PACS2: variants seen among roughly 807,000 people sequenced by gnomAD.
PACS2 encodes the protein PACS1-like protein.
A neutral mutation model predicts 113.0 loss-of-function variants in PACS2; 36 were observed. The ratio of observed to expected loss-of-function variants is 0.32; its 90% CI spans 0.24 to 0.42. The LOEUF (loss-of-function observed/expected upper bound fraction) is 0.42, where lower values mean the gene tolerates loss of function less well. Ranked by LOEUF, PACS2 falls within the 10% of genes least tolerant of loss-of-function variation. The probability of loss-of-function intolerance (pLI) is 1.00; values close to 1 mark genes in which losing one functional copy is unlikely to be tolerated. For synonymous variants in PACS2, 589 were observed against 536.1 expected (o/e 1.10, Z -1.36); for missense variants, 1,015 against 1,239.5 (o/e 0.82, Z 2.72).
intron 1 of PACS2, among the ~76,000 whole-genome samples, chr14:105,305,230 G>A (rs1350031002): frequency 6.6e-6 from 1 of 151,976 alleles, no homozygotes; most frequent in Non-Finnish European, 1.5e-5. Context: ...GCAAAACCCT[G>A]ACTCTACAAA....
At chr14:105,314,063 G>A (rs2058436264), upstream of PACS2, among the ~76,000 whole-genome samples, 1 of 152,264 alleles carries the variant, frequency 6.6e-6, no homozygotes, top group African/African-American at 2.4e-5. Flanking sequence ...GGGGTCATCT[G>A]GAGCCCTGGA....
chr14:105,385,688 A>G lies in PACS2; in HGVS notation c.2004A>G (p.Lys668=). 1 of 1,521,462 alleles carries G rather than the reference A, an allele frequency of 6.6e-7. No individual in the cohort carries two copies. Among genetic ancestry groups the G allele is most frequent in the Non-Finnish European group, 8.8e-7 (1 of 1,137,692 alleles). 94.2% of individuals were successfully genotyped at this position (1,521,462 alleles called of 1,614,324 possible). Residue 668 remains lysine (K), a synonymous_variant, in exon 19 of 25, where the codon AAA becomes AAG. Coordinates refer to ENST00000447393, the MANE Select transcript of PACS2 (RefSeq NM_001100913.3). ...CTTTTGGTGGCTTTCTGAAAAGGAA[A>G]AAGCATTTTCATTTTGACTTTACCC... The part of the protein sequence containing the change: ...EAMLTYKQKR[K]KHFHFDFTLS...
chr14:105,302,413 G>A (rs926185468), intron 1 of PACS2, among the ~76,000 whole-genome samples: 3 of 151,706 alleles, frequency 2.0e-5, no homozygotes, highest in African/African-American at 7.3e-5. Context: ...ATGTTGGTCA[G>A]GCCAGTCTTG....
At chr14:105,300,865 G>A (rs1257853839) in exon 1 of PACS2, 3 of 171,416 alleles carry the variant, frequency 1.8e-5, no homozygotes, top group Non-Finnish European at 3.7e-5. Context: ...GGGACGCGAG[G>A]ACTGGAGCCG....
At chr14:105,311,663 C>T (rs1595528438), upstream of PACS2, among the ~76,000 whole-genome samples, 8 of 152,290 alleles carry the variant, frequency 5.3e-5, 1 homozygote, top group South Asian at 1.7e-3. Context: ...GGGGTTGATT[C>T]CAGGCCTCAC....
upstream of PACS2, among the ~76,000 whole-genome samples, chr14:105,310,236 T>C (rs893764029): frequency 4.0e-5 from 6 of 151,798 alleles, no homozygotes; most frequent in African/African-American, 1.2e-4. Flanking sequence ...ATATTAAGAA[T>C]GTTACCCTAG....
chr14:105,343,529 C>CT (rs1566921300), intron 1 of PACS2, among the ~76,000 whole-genome samples: 1 of 152,054 alleles, frequency 6.6e-6, no homozygotes, highest in Admixed American at 6.6e-5. Flanking sequence ...TTGGTATTAG[C>CT]TTTTTTTATT....
chr14:105,355,673 G>C lies in PACS2; in HGVS notation c.423+496G>C, dbSNP rs1034453877. ...GCGGGGGCAGCACCCAGAGGTCAGA[G>C]GGGTGGCTGGAGTTCCCTGGAGGGG... On this transcript the variant is annotated intron_variant, in intron 4 of 24. Coordinates refer to ENST00000447393, the MANE Select transcript of PACS2 (RefSeq NM_001100913.3). The surrounding 1 kb of genome is among the most constrained non-coding windows in gnomAD (Gnocchi z 4.1). 6.6e-6 allele frequency among the ~76,000 whole-genome samples: 1 copy of C among 152,216 alleles called. No individual in the cohort carries two copies.
At chr14:105,389,313 G>A (rs782169359) in intron 19 of PACS2, 1 of 153,242 alleles carries the variant, frequency 6.5e-6, no homozygotes, top group African/African-American at 2.4e-5. Context: ...TGCCCGCTGA[G>A]TACATCAGCT....
intron 2 of PACS2, among the ~76,000 whole-genome samples, chr14:105,349,945 A>G (rs113570408): frequency 0.011 from 1,374 of 130,026 alleles, 7 homozygotes; most frequent in African/African-American, 0.043. Context: ...GAGAACTTCC[A>G]GGAGAGCGTG....
rs973247234 is a variant in PACS2, at chr14:105,330,859, C to T, written c.119+15822C>T. Among the ~76,000 whole-genome samples the T allele has an allele frequency of 8.5e-5, 13 of 152,358 alleles. No individual in the cohort carries two copies. Among genetic ancestry groups the T allele is most frequent in the African/African-American group, 3.1e-4 (13 of 41,586 alleles). On this transcript the variant is annotated intron_variant, in intron 1 of 24. Coordinates refer to ENST00000447393, the MANE Select transcript of PACS2 (RefSeq NM_001100913.3). This position sits in a 1 kb window ranked among gnomAD's most constrained non-coding sequence, Gnocchi z 6.9. ...CAATTCCATCTCTGTGCCAGCTGTGCCCCATGCAGCCTCTACCGGCATCTC... is the reference window on the plus strand; with the variant it reads ...CAATTCCATCTCTGTGCCAGCTGTGTCCCATGCAGCCTCTACCGGCATCTC...
intron 3 of PACS2, among the ~76,000 whole-genome samples, chr14:105,352,741 A>G: frequency 8.4e-6 from 1 of 119,628 alleles, no homozygotes; most frequent in East Asian, 2.9e-4. Context: ...CCCTGGGGTG[A>G]CGGGCACCCC....
rs868934935 is a variant in PACS2, at chr14:105,340,492, C to T, written c.120-8001C>T. Among the ~76,000 whole-genome samples, 4 of 152,168 alleles carry T rather than the reference C, an allele frequency of 2.6e-5. No homozygotes were observed. Among genetic ancestry groups the T allele is most frequent in the Admixed American group, 1.3e-4 (2 of 15,284 alleles). On this transcript the variant is annotated intron_variant, in intron 1 of 24. Coordinates refer to ENST00000447393, the MANE Select transcript of PACS2 (RefSeq NM_001100913.3). The surrounding 1 kb of genome is among the most constrained non-coding windows in gnomAD (Gnocchi z 4.2). ...GTTTCCAGTGAAACTGTCCCACCTC[C>T]GATCATCAGCCATCAGATTCTCATA...
At chr14:105,384,137 G>A (rs1555412912) in intron 16 of PACS2, 1 of 546,888 alleles carries the variant, frequency 1.8e-6, no homozygotes. Flanking sequence ...TCAGGGCTCT[G>A]GGACCTCAGC....
chr14:105,323,542 G>A lies in PACS2; in HGVS notation c.119+8505G>A, dbSNP rs2140859070. ...GGCGGACGTTCCTGTAATGGAACCA[G>A]GATGTCATGCCAAGGAGTGTGGTTT... On this transcript the variant is annotated intron_variant, in intron 1 of 24. Coordinates refer to ENST00000447393, the MANE Select transcript of PACS2 (RefSeq NM_001100913.3). This position sits in a 1 kb window ranked among gnomAD's most constrained non-coding sequence, Gnocchi z 4.1. Among the ~76,000 whole-genome samples, 1 of 152,384 alleles carries A rather than the reference G, an allele frequency of 6.6e-6. No individual in the cohort carries two copies. The highest frequency in any genetic ancestry group is 2.1e-4 in the South Asian group (1 of 4,834).
chr14:105,333,442 C>T (rs921453514), intron 1 of PACS2, among the ~76,000 whole-genome samples: 1 of 152,244 alleles, frequency 6.6e-6, no homozygotes. Context: ...CTCCTGGAAG[C>T]CAGTCCCTGG....
chr14:105,342,765 C>T (rs1199432808), intron 1 of PACS2, among the ~76,000 whole-genome samples: 1 of 151,604 alleles, frequency 6.6e-6, no homozygotes, highest in Admixed American at 6.6e-5. Flanking sequence ...GAAACCCCAT[C>T]TCTAGTAAAA....
Position 105,378,393 on chromosome 14 carries a change from G to GT in PACS2, c.960-1339dup, listed in dbSNP as rs1356095292. Among the ~76,000 whole-genome samples, 19 of 152,282 alleles carry GT rather than the reference G, an allele frequency of 1.2e-4. 1 individual carries two copies. In the Middle Eastern group the frequency reaches 0.017, roughly 136 times the overall value. Reference sequence around the variant, plus strand: ...CAGCAGACACTGCTAAGTCCCGTCTGTTTTTTTAGGGGGCGGGGGAGTTGT... The same window carrying GT: ...CAGCAGACACTGCTAAGTCCCGTCTGTTTTTTTTAGGGGGCGGGGGAGTTGT... On this transcript the variant is annotated intron_variant, in intron 9 of 24. Coordinates refer to ENST00000447393, the MANE Select transcript of PACS2 (RefSeq NM_001100913.3).
Position 105,324,015 on chromosome 14 carries a change from A to G in PACS2, c.119+8978A>G, listed in dbSNP as rs1469033278. On this transcript the variant is annotated intron_variant, in intron 1 of 24. Coordinates refer to ENST00000447393, the MANE Select transcript of PACS2 (RefSeq NM_001100913.3). This position sits in a 1 kb window ranked among gnomAD's most constrained non-coding sequence, Gnocchi z 4.7. The stretch of plus-strand genomic sequence containing the variant: ...GTCCTGCTGTCAACACTGGAGTCAC[A>G]TGTCAGTGGGTCTCCTGCTGGGGAC... Among the ~76,000 whole-genome samples, 1 of 152,220 alleles carries G rather than the reference A, an allele frequency of 6.6e-6. No individual in the cohort carries two copies. Among genetic ancestry groups the G allele is most frequent in the African/African-American group, 2.4e-5 (1 of 41,462 alleles).
Sources: gnomAD v4.1 joint callset for allele counts (sites outside exome capture counted in the v4.1 genomes callset) on GRCh38, gnomAD v4.1.1 for gene constraint, Gnocchi (gnomAD v3.1) non-coding constraint, MANE v1.5 for transcripts, NCBI Gene and HGNC (gene_info 2026-07-23, HGNC 2026-07-21) for gene names.